Variants in GJA1 observed in about 807,000 individuals in gnomAD.
GJA1 encodes gap junction protein alpha 1, also known as gap junction alpha-1 protein.
Under a neutral mutation model 31.0 loss-of-function variants are expected in GJA1, and 9 were observed. The observed-to-expected ratio is 0.29, with a 90% CI of 0.17 to 0.51. The LOEUF is 0.51. Ranked by LOEUF, GJA1 falls within the 20% of genes least tolerant of loss-of-function variation. The probability of loss-of-function intolerance (pLI) is 0.98; values close to 1 mark genes in which losing one functional copy is unlikely to be tolerated. For missense variants in GJA1, 278 were observed against 468.8 expected (o/e 0.59, Z 3.76); for synonymous variants, 186 against 180.1 (o/e 1.03, Z -0.26).
intron 1 of GJA1, among the ~76,000 whole-genome samples, chr6:121,436,953 A>AT (rs1387101073): frequency 6.6e-6 from 1 of 152,180 alleles, no homozygotes; most frequent in African/African-American, 2.4e-5. Flanking sequence ...CCCGGTAAAG[A>AT]TTTTCTGTTC....
intron 1 of GJA1, among the ~76,000 whole-genome samples, chr6:121,439,721 A>AG (rs570446778): frequency 2.2e-4 from 34 of 152,160 alleles, no homozygotes; most frequent in Non-Finnish European, 4.1e-4. Context: ...TTCAGTGATG[A>AG]GGAGGGGTAA....
At chr6:121,438,378 A>G (rs1406488765) in intron 1 of GJA1, among the ~76,000 whole-genome samples, 1 of 152,204 alleles carries the variant, frequency 6.6e-6, no homozygotes, top group Non-Finnish European at 1.5e-5. Context: ...CATGGTTGCA[A>G]AGATGCTCCG....
chr6:121,448,050 G>T lies in GJA1; in HGVS notation c.*54G>T, dbSNP rs1188231312. The T allele has an allele frequency of 1.3e-5, 19 of 1,484,740 alleles. No individual in the cohort carries two copies. The highest frequency in any genetic ancestry group is 1.7e-5 in the Non-Finnish European group (18 of 1,062,802). 92.0% of individuals were successfully genotyped at this position (1,484,740 alleles called of 1,614,324 possible). The stretch of plus-strand genomic sequence containing the variant: ...CTCAATTGTGGAGAAGAAAAAAGGT[G>T]CTGTAGAAAGTGCACCAGGTGTTAA... On this transcript the variant is annotated 3_prime_UTR_variant, in exon 2 of 2. Coordinates refer to ENST00000282561, the MANE Select transcript of GJA1 (RefSeq NM_000165.5).
chr6:121,440,114 G>T (rs539530593), intron 1 of GJA1, among the ~76,000 whole-genome samples: 1 of 152,162 alleles, frequency 6.6e-6, no homozygotes, highest in Non-Finnish European at 1.5e-5. Context: ...ATTTCTTCTT[G>T]TAATAGTGTC....
intron 1 of GJA1, among the ~76,000 whole-genome samples, chr6:121,445,867 G>C (rs896370889): frequency 1.3e-5 from 2 of 152,172 alleles, no homozygotes; most frequent in Non-Finnish European, 2.9e-5. Context: ...TTGCTTGGGA[G>C]GCTAAGGCAG....
At chr6:121,439,984 C>T (rs1399214689) in intron 1 of GJA1, among the ~76,000 whole-genome samples, 1 of 152,198 alleles carries the variant, frequency 6.6e-6, no homozygotes, top group Non-Finnish European at 1.5e-5. Flanking sequence ...CCTGCATAGA[C>T]TCAGACTGTA....
chr6:121,448,280 T>G lies in GJA1; in HGVS notation c.*284T>G. On this transcript the variant is annotated 3_prime_UTR_variant, in exon 2 of 2. Coordinates refer to ENST00000282561, the MANE Select transcript of GJA1 (RefSeq NM_000165.5). ...AGAGTTCCATTAGGTGATACATAGA[T>G]AAGGGCTTTTTCTCCCCGCAAACAC... The G allele has an allele frequency of 2.1e-6, 1 of 479,618 alleles. No homozygotes were observed. The highest frequency in any genetic ancestry group is 2.3e-5 in the South Asian group (1 of 44,024). The allele number at this position is 479,618 out of a possible 1,614,324, so 29.7% of individuals were successfully genotyped here.
At chr6:121,438,319 C>A (rs1773704071) in intron 1 of GJA1, among the ~76,000 whole-genome samples, 1 of 152,178 alleles carries the variant, frequency 6.6e-6, no homozygotes, top group Non-Finnish European at 1.5e-5. Flanking sequence ...CTGAGTTCCT[C>A]ACCCTTGGCG....
At chr6:121,446,488 T>G (rs1773891883) in intron 1 of GJA1, among the ~76,000 whole-genome samples, 1 of 152,192 alleles carries the variant, frequency 6.6e-6, no homozygotes, top group Non-Finnish European at 1.5e-5. Flanking sequence ...TCCTCATTTA[T>G]CAGACAAATA....
At position 121,449,028 on chromosome 6, in the gene GJA1, GTTTTTCCCTGTGTATCCTATTATGGA is replaced by G. The variant is rs1773940144; in HGVS notation, c.*1034_*1059del. The G allele has an allele frequency of 6.0e-6, 1 of 165,330 alleles. No homozygotes were observed. The highest frequency in any genetic ancestry group is 1.5e-5 in the Non-Finnish European group (1 of 68,046). The allele number at this position is 165,330 out of a possible 1,614,324, so 10.2% of individuals were successfully genotyped here. On this transcript the variant is annotated 3_prime_UTR_variant, in exon 2 of 2. Transcript: ENST00000282561. ...GCACACTTTTTTTTTCTCCTAAAAT[GTTTTTCCCTGTGTATCCTATTATGGA>G]TACTGGTTTTGTTAATTATGATTCT...
chr6:121,439,436 A>G (rs1773727262), intron 1 of GJA1, among the ~76,000 whole-genome samples: 1 of 152,208 alleles, frequency 6.6e-6, no homozygotes, highest in Non-Finnish European at 1.5e-5. Flanking sequence ...AGGTGGAAGT[A>G]AGAGTAGGGG....
In GJA1 at chr6:121,449,047, A is replaced by G. The variant is rs1773940361; in HGVS notation, c.*1051A>G. Reference sequence around the variant, plus strand: ...TAAAATGTTTTTCCCTGTGTATCCTATTATGGATACTGGTTTTGTTAATTA... The same window carrying G: ...TAAAATGTTTTTCCCTGTGTATCCTGTTATGGATACTGGTTTTGTTAATTA... On this transcript the variant is annotated 3_prime_UTR_variant, in exon 2 of 2. Transcript: ENST00000282561. 6.0e-6 allele frequency: 1 copy of G among 165,674 alleles called. No homozygotes were observed. 10.3% of individuals were successfully genotyped at this position (165,674 alleles called of 1,614,324 possible). A position where few individuals can be genotyped will look rare whatever the true frequency, so the allele number is the denominator to read the frequency against.
At chr6:121,440,457 T>C (rs1773750860) in intron 1 of GJA1, among the ~76,000 whole-genome samples, 2 of 152,134 alleles carry the variant, frequency 1.3e-5, no homozygotes, top group African/African-American at 2.4e-5. Flanking sequence ...CAGGAATCAT[T>C]TGAAGCATGT....
In GJA1 at chr6:121,447,152, A is replaced by T. The variant is rs777767461; in HGVS notation, c.305A>T (p.Lys102Met). The change falls in exon 2 of 2, where the codon AAG (lysine) becomes ATG (methionine). Residue 102 changes from lysine (K) to methionine (M), a missense_variant. Transcript: ENST00000282561. ...GCTCATGTGTTCTATGTGATGCGAA[A>T]GGAAGAGAAACTGAACAAGAAAGAG... is the stretch of plus-strand genomic sequence containing the variant. ...YLAHVFYVMRKEEKLNKKEEE... is the reference protein window; with the variant it reads ...YLAHVFYVMRMEEKLNKKEEE... 8 of 1,614,004 alleles carry T rather than the reference A, an allele frequency of 5.0e-6. No individual in the cohort carries two copies. The East Asian group carries it at 1.8e-4, about 36-fold the overall frequency.
rs397824185 is a variant in GJA1, at chr6:121,447,998, T to TA, written c.*3dup. ...CGGCCTGATGACCTGGAGATCTAGA[T>TA]ACAGGCTTGAAAGCATCAAGATTCC... On this transcript the variant is annotated 3_prime_UTR_variant, in exon 2 of 2. Transcript: ENST00000282561. 0.052 allele frequency: 84,518 copies of TA among 1,612,164 alleles called. 6,626 individuals carry two copies. The highest frequency in any genetic ancestry group is 0.38 in the Admixed American group (22,998 of 59,972).
chr6:121,440,235 CTT>C (rs1483396412), intron 1 of GJA1, among the ~76,000 whole-genome samples: 3 of 150,980 alleles, frequency 2.0e-5, no homozygotes, highest in Non-Finnish European at 4.4e-5. Context: ...TGTTTTAAAT[CTT>C]AACCTGCAAC....
chr6:121,436,184 T>TGAG (rs1554200293), intron 1 of GJA1, among the ~76,000 whole-genome samples: 1 of 29,854 alleles, frequency 3.3e-5, no homozygotes. Context: ...ATTTGTTGGG[T>TGAG]GGGGGGGGGG....
In GJA1 at chr6:121,447,642, T is replaced by C. The variant is rs769457947; in HGVS notation, c.795T>C (p.Tyr265=). The C allele has an allele frequency of 4.3e-6, 7 of 1,614,016 alleles. No homozygotes were observed. Among genetic ancestry groups the C allele is most frequent in the South Asian group, 3.3e-5 (3 of 91,076 alleles). ...SPAKDCGSQK[Y]AYFNGCSSPT... ...CCAAAGACTGTGGGTCTCAAAAATA[T>C]GCTTATTTCAATGGCTGCTCCTCAC... The change falls in exon 2 of 2, where the codon TAT becomes TAC. Residue 265 remains tyrosine (Y), a synonymous_variant. Transcript: ENST00000282561.
chr6:121,448,379 C>T lies in GJA1; in HGVS notation c.*383C>T. 1 of 268,564 alleles carries T rather than the reference C, an allele frequency of 3.7e-6. No individual in the cohort carries two copies. Among genetic ancestry groups the T allele is most frequent in the South Asian group, 5.5e-5 (1 of 18,104 alleles). 16.6% of individuals were successfully genotyped at this position (268,564 alleles called of 1,614,324 possible). The stretch of plus-strand genomic sequence containing the variant: ...TAAATATTTTTGTTTTACCAAGAAA[C>T]TGAAATAATTCTGGCCAGGAATAAA... On this transcript the variant is annotated 3_prime_UTR_variant, in exon 2 of 2. Coordinates refer to ENST00000282561, the MANE Select transcript of GJA1 (RefSeq NM_000165.5).
Sources: allele counts gnomAD v4.1 joint callset (sites outside exome capture counted in the v4.1 genomes callset), GRCh38; gene constraint gnomAD v4.1.1; transcripts MANE v1.5; gene names NCBI Gene and HGNC (gene_info 2026-07-23, HGNC 2026-07-21).